The following ALK variants were observed in gnomAD, a reference collection of about 807,000 sequenced individuals.
ALK encodes ALK receptor tyrosine kinase, also known as ALK tyrosine kinase receptor.
A neutral mutation model predicts 163.1 loss-of-function variants in ALK; 74 were observed. That is an observed-to-expected ratio of 0.45 (90% CI 0.38 to 0.55). ALK has a LOEUF of 0.55. ALK is among the 20% of genes least tolerant of loss of function. The pLI is 0.00. For missense variants in ALK, 2,063 were observed against 2,105.3 expected (o/e 0.98, Z 0.39); for synonymous variants, 960 against 843.2 (o/e 1.14, Z -2.40).
intron 11 of ALK, among the ~76,000 whole-genome samples, chr2:29,271,288 G>C (rs1161911963): frequency 6.6e-6 from 1 of 152,216 alleles, no homozygotes; most frequent in African/African-American, 2.4e-5. Flanking sequence ...TAGTTGTTCT[G>C]TGGTGAATGG....
chr2:29,260,359 C>T (rs1015259161), intron 11 of ALK, among the ~76,000 whole-genome samples: 4 of 152,124 alleles, frequency 2.6e-5, no homozygotes, highest in African/African-American at 9.7e-5. Flanking sequence ...TTTCTGTAGG[C>T]GTGTTATTCC....
In ALK at chr2:29,920,065, C is replaced by T. The variant is rs747517546; in HGVS notation, c.595G>A (p.Gly199Ser). 1 of 1,614,208 alleles carries T rather than the reference C, an allele frequency of 6.2e-7. No homozygotes were observed. The highest frequency in any genetic ancestry group is 8.5e-7 in the Non-Finnish European group (1 of 1,180,046). Residue 199 changes from glycine to serine, a missense_variant, in exon 1 of 29, where the codon GGC becomes AGC. Gly to Ser is a moderately conservative substitution (Grantham distance 56, BLOSUM62 0). Transcript: ENST00000389048. Reference protein sequence around the residue: ...LMPEKKASEVGREGRLSAAIR... With the variant: ...LMPEKKASEVSREGRLSAAIR... ...GCCGCGGACAGCCTTCCCTCTCTGC[C>T]CACTTCCGACGCCTTCTTCTCGGGC...
At chr2:29,326,475 C>T (rs1667265577) in intron 6 of ALK, among the ~76,000 whole-genome samples, 1 of 152,186 alleles carries the variant, frequency 6.6e-6, no homozygotes, top group Non-Finnish European at 1.5e-5. Flanking sequence ...TTCAGAGGCA[C>T]TGCTGGAAAC....
intron 11 of ALK, among the ~76,000 whole-genome samples, chr2:29,262,039 C>T (rs1006068872): frequency 2.0e-5 from 3 of 152,174 alleles, no homozygotes; most frequent in Non-Finnish European, 4.4e-5. Context: ...AATGTTGAGG[C>T]CTTCAATTTC....
intron 1 of ALK, among the ~76,000 whole-genome samples, chr2:29,741,986 C>T (rs1480830467): frequency 6.6e-6 from 1 of 152,212 alleles, no homozygotes; most frequent in Admixed American, 6.5e-5. Context: ...ATAATGAAAC[C>T]TGAACTCTGC....
At chr2:29,463,632 G>C (rs1037320200) in intron 4 of ALK, among the ~76,000 whole-genome samples, 7 of 152,182 alleles carry the variant, frequency 4.6e-5, no homozygotes, top group African/African-American at 1.7e-4. Context: ...TTATTGCCTG[G>C]AGGCAGTTTC....
chr2:29,484,279 C>T (rs1294247073), intron 4 of ALK, among the ~76,000 whole-genome samples: 1 of 152,012 alleles, frequency 6.6e-6, no homozygotes, highest in Admixed American at 6.6e-5. Context: ...TCTGTTGATC[C>T]ATTCTTGCAT....
chr2:29,916,446 C>G (rs1667836603), intron 1 of ALK, among the ~76,000 whole-genome samples: 1 of 152,192 alleles, frequency 6.6e-6, no homozygotes, highest in East Asian at 1.9e-4. Context: ...TAAATCAGCT[C>G]TCTGCTCTTC....
intron 24 of ALK, among the ~76,000 whole-genome samples, chr2:29,210,877 G>A (rs192159159): frequency 1.4e-4 from 21 of 152,236 alleles, no homozygotes; most frequent in Admixed American, 5.9e-4. Context: ...ATGGTCAACC[G>A]CTGTCCAAGA....
intron 11 of ALK, among the ~76,000 whole-genome samples, chr2:29,255,709 C>T (rs546009015): frequency 1.4e-4 from 22 of 152,218 alleles, no homozygotes; most frequent in South Asian, 2.1e-4. Context: ...ACATAAGTCC[C>T]GGACCCACCT....
intron 3 of ALK, among the ~76,000 whole-genome samples, chr2:29,643,935 A>G (rs1676795037): frequency 6.6e-6 from 1 of 152,178 alleles, no homozygotes; most frequent in Non-Finnish European, 1.5e-5. Flanking sequence ...GCTGCTATAA[A>G]GACACATGCA....
intron 9 of ALK, among the ~76,000 whole-genome samples, chr2:29,292,253 G>A (rs921412041): frequency 6.6e-6 from 1 of 152,154 alleles, no homozygotes; most frequent in Admixed American, 6.5e-5. Context: ...GTGATTTGTG[G>A]GACATGATTT....
chr2:29,201,156 T>A (rs769113287), intron 26 of ALK, among the ~76,000 whole-genome samples: 4 of 151,514 alleles, frequency 2.6e-5, no homozygotes, highest in Non-Finnish European at 5.9e-5. Context: ...TTAGGAAAAA[T>A]GGGAGCCAAA....
chr2:29,514,292 C>T (rs1156599545), intron 4 of ALK, among the ~76,000 whole-genome samples: 4 of 147,388 alleles, frequency 2.7e-5, no homozygotes, highest in African/African-American at 1.0e-4. Context: ...AAATGTGGCA[C>T]ATATACACCA....
chr2:29,201,623 C>T (rs2148147384), intron 26 of ALK, among the ~76,000 whole-genome samples: 1 of 152,072 alleles, frequency 6.6e-6, no homozygotes, highest in South Asian at 2.1e-4. Context: ...CCCGTCTCTA[C>T]TAAAAATACA....
At chr2:29,602,587 A>G (rs189576968) in intron 3 of ALK, among the ~76,000 whole-genome samples, 1 of 152,112 alleles carries the variant, frequency 6.6e-6, no homozygotes, top group South Asian at 2.1e-4. Context: ...GGAAACCACA[A>G]TGCCTGACTA....
At chr2:29,294,463 T>C (rs1298218074) in intron 9 of ALK, among the ~76,000 whole-genome samples, 2 of 152,218 alleles carry the variant, frequency 1.3e-5, no homozygotes, top group Non-Finnish European at 2.9e-5. Flanking sequence ...TAGTTATTAG[T>C]AGTTGAGCAT....
rs1227095713 is a variant in ALK at position 29,830,712 on chromosome 2, TTAAAAAAAAAAAAAAA to T, written c.667+89265_667+89280del. ...AGCAAGACCCTGTCTCTAAAATAGTTTAAAAAAAAAAAAAAAAAAAAAAAAAAAAAAAAAAAAAAAA... is the reference window on the plus strand; with the variant it reads ...AGCAAGACCCTGTCTCTAAAATAGTTAAAAAAAAAAAAAAAAAAAAAAAAA... On this transcript the variant is annotated intron_variant, in intron 1 of 28. Coordinates refer to ENST00000389048, the MANE Select transcript of ALK (RefSeq NM_004304.5). 3.6e-3 allele frequency among the ~76,000 whole-genome samples: 226 copies of T among 63,518 alleles called. 11 individuals are homozygous for T. The highest frequency in any genetic ancestry group is 0.013 in the Middle Eastern group (1 of 78). 41.7% of individuals were successfully genotyped at this position (63,518 alleles called of 152,430 possible). A position where few individuals can be genotyped will look rare whatever the true frequency, so the allele number is the denominator to read the frequency against.
intron 4 of ALK, among the ~76,000 whole-genome samples, chr2:29,461,607 TA>T (rs1276992058): frequency 1.3e-5 from 2 of 152,192 alleles, no homozygotes; most frequent in Non-Finnish European, 2.9e-5. Context: ...CTAAATATTT[TA>T]AGTCCACTGT....
Sources: gnomAD v4.1 joint callset for allele counts (sites outside exome capture counted in the v4.1 genomes callset) on GRCh38, gnomAD v4.1.1 for gene constraint, MANE v1.5 for transcripts, NCBI Gene and HGNC (gene_info 2026-07-23, HGNC 2026-07-21) for gene names.